ZNF385D: variants seen among roughly 807,000 people sequenced by gnomAD.
ZNF385D encodes zinc finger protein 659.
In ZNF385D, 15 loss-of-function variants were observed where a neutral mutation model predicts 35.8. That is an observed-to-expected ratio of 0.42 (90% CI 0.28 to 0.64). ZNF385D has a LOEUF of 0.64. Among genes scored for constraint, ZNF385D ranks in the 30% least tolerant of loss-of-function variants. The pLI, the probability that ZNF385D is intolerant of heterozygous loss-of-function variation, is 0.23. For missense variants in ZNF385D, 474 were observed against 494.6 expected, an observed-to-expected ratio of 0.96 and a Z score of 0.39; for synonymous variants, 212 against 186.8, an observed-to-expected ratio of 1.13 and a Z score of -1.10.
chr3:21,877,910 A>G (rs1456592679), intron 3 of ZNF385D: 4 of 152,038 alleles, frequency 2.6e-5, no homozygotes, highest in Non-Finnish European at 5.9e-5. Context: ...TGTTATCTCT[A>G]TTTTATGTGT....
chr3:22,314,528 G>A (rs1419484666), intron 2 of ZNF385D, among the ~76,000 whole-genome samples: 1 of 152,010 alleles, frequency 6.6e-6, no homozygotes, highest in Non-Finnish European at 1.5e-5. Context: ...ATTGACGGAT[G>A]GGCATTTGGG....
chr3:22,004,094 C>T (rs1239915346), intron 3 of ZNF385D, among the ~76,000 whole-genome samples: 2 of 151,928 alleles, frequency 1.3e-5, no homozygotes, highest in South Asian at 4.1e-4. Context: ...AGGAACAGAA[C>T]CAATGACACA....
At chr3:22,146,417 A>G (rs995960308) in intron 3 of ZNF385D, among the ~76,000 whole-genome samples, 50 of 152,274 alleles carry the variant, frequency 3.3e-4, no homozygotes, top group African/African-American at 1.2e-3. Flanking sequence ...ATTTTTTTGT[A>G]TGTTTTTGTT....
intron 2 of ZNF385D, among the ~76,000 whole-genome samples, chr3:22,205,310 G>T (rs1697075232): frequency 6.6e-6 from 1 of 151,574 alleles, no homozygotes; most frequent in African/African-American, 2.4e-5. Context: ...GATTTTCCCA[G>T]ATAAGCAAAA....
intron 2 of ZNF385D, among the ~76,000 whole-genome samples, chr3:22,267,180 G>C (rs535727195): frequency 6.6e-6 from 1 of 151,872 alleles, no homozygotes; most frequent in Non-Finnish European, 1.5e-5. Flanking sequence ...AAACATCTAT[G>C]AGAAAGAGTA....
chr3:21,935,838 C>G (rs1429302177), intron 3 of ZNF385D, among the ~76,000 whole-genome samples: 2 of 152,110 alleles, frequency 1.3e-5, no homozygotes, highest in Non-Finnish European at 2.9e-5. Flanking sequence ...CCTTTGGCTT[C>G]TAAGCAGGAG....
At chr3:22,298,314 G>C (rs1702701831) in intron 2 of ZNF385D, among the ~76,000 whole-genome samples, 1 of 150,500 alleles carries the variant, frequency 6.6e-6, no homozygotes, top group African/African-American at 2.4e-5. Context: ...AACAAAGTGA[G>C]GATGGGAGGT....
In ZNF385D at chr3:21,564,752, A is replaced by G. The variant is rs1006001646; in HGVS notation, c.166-68T>C. ...TGTCAGTTCCATTGGAATTTTGCCT[A>G]TTTCATTAAAGAACCAATCTGTACA... On this transcript the variant is annotated intron_variant, in intron 2 of 7. Transcript: ENST00000281523. 8.0e-6 allele frequency: 8 copies of G among 993,940 alleles called. No homozygotes were observed. The East Asian group carries it at 1.1e-4, about 13-fold the overall frequency. The allele number at this position is 993,940 out of a possible 1,614,324, so 61.6% of individuals were successfully genotyped here.
At chr3:22,187,318 A>C (rs1695703926) in intron 2 of ZNF385D, among the ~76,000 whole-genome samples, 1 of 152,170 alleles carries the variant, frequency 6.6e-6, no homozygotes, top group African/African-American at 2.4e-5. Flanking sequence ...TATGTTTTTC[A>C]ATTAACTGGT....
chr3:22,328,940 G>C (rs930745556), intron 2 of ZNF385D, among the ~76,000 whole-genome samples: 5 of 151,936 alleles, frequency 3.3e-5, no homozygotes, highest in Non-Finnish European at 5.9e-5. Flanking sequence ...AGCTGGGCGT[G>C]GTAGCGGGCG....
intron 2 of ZNF385D, among the ~76,000 whole-genome samples, chr3:22,192,639 T>G (rs953695868): frequency 6.6e-6 from 1 of 152,150 alleles, no homozygotes; most frequent in Non-Finnish European, 1.5e-5. Context: ...AAGAGATTAT[T>G]GATGTCATGG....
intron 3 of ZNF385D, among the ~76,000 whole-genome samples, chr3:22,036,374 T>C (rs1169423423): frequency 1.3e-5 from 2 of 152,126 alleles, no homozygotes; most frequent in South Asian, 2.1e-4. Context: ...AGACAAATGA[T>C]TGGAATATGT....
intron 3 of ZNF385D, among the ~76,000 whole-genome samples, chr3:21,808,831 G>C (rs962753990): frequency 6.6e-6 from 1 of 152,194 alleles, no homozygotes; most frequent in Non-Finnish European, 1.5e-5. Flanking sequence ...ATTGAACAAT[G>C]ATGTGGAACA....
chr3:21,530,653 C>A lies in ZNF385D; in HGVS notation c.277-19630G>T, dbSNP rs1276940849. Reference sequence around the variant, plus strand: ...TGTTAAAAGAGACCCTCAGCATGATCAAACAAGTTTTTTTTCGTTGATGTG... The same window carrying A: ...TGTTAAAAGAGACCCTCAGCATGATAAAACAAGTTTTTTTTCGTTGATGTG... On this transcript the variant is annotated intron_variant, in intron 3 of 7. Transcript: ENST00000281523. Among the ~76,000 whole-genome samples, 7 of 152,058 alleles carry A rather than the reference C, an allele frequency of 4.6e-5. No individual in the cohort carries two copies. The East Asian group carries it at 1.2e-3, about 25-fold the overall frequency.
Position 22,058,917 on chromosome 3 carries a change from C to A in ZNF385D, c.325+109900G>T, listed in dbSNP as rs559272461. On this transcript the variant is annotated intron_variant, in intron 3 of 5. Transcript: ENST00000494108. ...TTTGGTGTCTTCTCTTAATCCAAAT[C>A]TTTTCCTCTTTACATGATCTTCAGG... Among the ~76,000 whole-genome samples the A allele has an allele frequency of 2.2e-3, 335 of 152,306 alleles. 2 individuals carry two copies. Among genetic ancestry groups the A allele is most frequent in the Middle Eastern group, 3.4e-3 (1 of 294 alleles).
At chr3:21,435,806 A>G (rs1701523401) in intron 5 of ZNF385D, among the ~76,000 whole-genome samples, 1 of 152,198 alleles carries the variant, frequency 6.6e-6, no homozygotes. Context: ...AAGGCCAGGT[A>G]CTTTTCTGTG....
At chr3:21,959,352 CA>C (rs531134266) in intron 3 of ZNF385D, among the ~76,000 whole-genome samples, 284 of 152,090 alleles carry the variant, frequency 1.9e-3, no homozygotes, top group Non-Finnish European at 3.6e-3. Context: ...ATTGCTCCTT[CA>C]GGATATTTTT....
At chr3:22,269,371 G>T (rs1479369632) in intron 2 of ZNF385D, among the ~76,000 whole-genome samples, 2 of 151,952 alleles carry the variant, frequency 1.3e-5, no homozygotes, top group Non-Finnish European at 2.9e-5. Flanking sequence ...ACTAAAGGCA[G>T]GAGGCACCAG....
At chr3:22,032,380 G>A (rs987600508) in intron 3 of ZNF385D, among the ~76,000 whole-genome samples, 14 of 152,204 alleles carry the variant, frequency 9.2e-5, no homozygotes, top group African/African-American at 3.4e-4. Context: ...GAGAGCACAT[G>A]TAGAGGAAAC....
Sources: gnomAD v4.1 joint callset for allele counts (sites outside exome capture counted in the v4.1 genomes callset) on GRCh38, gnomAD v4.1.1 for gene constraint, MANE v1.5 for transcripts, NCBI Gene and HGNC (gene_info 2026-07-23, HGNC 2026-07-21) for gene names.